RGS6: variants seen among roughly 807,000 people sequenced by gnomAD.
RGS6 encodes regulator of G protein signaling 6.
Under a neutral mutation model 78.5 loss-of-function variants are expected in RGS6, and 30 were observed. That is an observed-to-expected ratio of 0.38 (90% confidence interval 0.29 to 0.52). The LOEUF is 0.52. RGS6 is among the 20% of genes least tolerant of loss of function. The probability of loss-of-function intolerance (pLI) is 0.85; values close to 1 mark genes in which losing one functional copy is unlikely to be tolerated. For missense variants in RGS6, 495 were observed against 609.7 expected, an observed-to-expected ratio of 0.81 and a Z score of 1.98; for synonymous variants, 206 against 206.0, an observed-to-expected ratio of 1.00 and a Z score of 0.00.
chr14:72,026,054 C>G (rs11849254), intron 2 of RGS6, among the ~76,000 whole-genome samples: 1 of 151,978 alleles, frequency 6.6e-6, no homozygotes. Flanking sequence ...AAAAAGTTCC[C>G]TCAAACTTAG....
chr14:72,415,844 AC>A (rs2093771174), intron 3 of RGS6, among the ~76,000 whole-genome samples: 1 of 152,296 alleles, frequency 6.6e-6, no homozygotes, highest in East Asian at 1.9e-4. Flanking sequence ...TTGTATAAGA[AC>A]TAAAAGCATA....
Position 72,387,276 on chromosome 14 carries a change from G to A in RGS6, c.184+35082G>A, listed in dbSNP as rs998802371. ...AAAAAAAAGGGAGAGGGGGCTGGGCGCGGTGGCTGGCGCGCCTAATCCCAG... is the reference window on the plus strand; with the variant it reads ...AAAAAAAAGGGAGAGGGGGCTGGGCACGGTGGCTGGCGCGCCTAATCCCAG... On this transcript the variant is annotated intron_variant, in intron 3 of 17. Coordinates refer to ENST00000553525, the MANE Select transcript of RGS6 (RefSeq NM_001204424.2). 4.6e-5 allele frequency among the ~76,000 whole-genome samples: 7 copies of A among 152,134 alleles called. No homozygotes were observed. In the East Asian group the frequency reaches 5.8e-4, roughly 13 times the overall value.
At chr14:72,350,756 T>C (rs1361803738) in intron 2 of RGS6, among the ~76,000 whole-genome samples, 5 of 152,182 alleles carry the variant, frequency 3.3e-5, no homozygotes, top group Admixed American at 3.3e-4. Flanking sequence ...CATAACTTAA[T>C]CCACCCTACC....
chr14:72,605,463 C>T, the RGS6 span, among the ~76,000 whole-genome samples: 1 of 152,236 alleles, frequency 6.6e-6, no homozygotes, highest in African/African-American at 2.4e-5. Flanking sequence ...ATTAACAATG[C>T]TAATTACCTG....
At chr14:72,083,390 A>C (rs2094902568) in intron 2 of RGS6, among the ~76,000 whole-genome samples, 1 of 152,192 alleles carries the variant, frequency 6.6e-6, no homozygotes, top group South Asian at 2.1e-4. Context: ...TCTACAGTGC[A>C]TGGGATGCTT....
intron 17 of RGS6, chr14:72,547,360 G>A (rs1184256261): frequency 6.5e-7 from 1 of 1,534,674 alleles, no homozygotes. Flanking sequence ...GACTTCAAAG[G>A]CTAAGAAGTA....
intron 2 of RGS6, among the ~76,000 whole-genome samples, chr14:72,129,858 T>C (rs2096277823): frequency 6.6e-6 from 1 of 152,126 alleles, no homozygotes; most frequent in Non-Finnish European, 1.5e-5. Context: ...AAACCCCACC[T>C]CATGATGAGG....
chr14:72,035,726 G>A (rs1230367518), intron 2 of RGS6, among the ~76,000 whole-genome samples: 1 of 152,110 alleles, frequency 6.6e-6, no homozygotes, highest in African/African-American at 2.4e-5. Context: ...GGTCACAGTA[G>A]CATTTGTGCC....
At chr14:72,222,942 A>G (rs2047219651) in intron 2 of RGS6, among the ~76,000 whole-genome samples, 2 of 152,196 alleles carry the variant, frequency 1.3e-5, no homozygotes, top group South Asian at 4.1e-4. Context: ...TTATCTCATT[A>G]ATTTACTTTA....
At chr14:72,049,061 T>C (rs1233577977) in intron 2 of RGS6, among the ~76,000 whole-genome samples, 2 of 152,222 alleles carry the variant, frequency 1.3e-5, no homozygotes, top group Non-Finnish European at 2.9e-5. Context: ...GTCAGGATTT[T>C]ATCTTCTCAG....
intron 12 of RGS6, among the ~76,000 whole-genome samples, chr14:72,487,144 A>G (rs1233969868): frequency 2.0e-5 from 3 of 152,174 alleles, no homozygotes; most frequent in African/African-American, 7.2e-5. Context: ...TGATGATGGC[A>G]AATAGGACAA....
chr14:71,882,628 C>T, the RGS6 span, among the ~76,000 whole-genome samples: 4 of 152,090 alleles, frequency 2.6e-5, no homozygotes, highest in Non-Finnish European at 5.9e-5. Context: ...GTCTGAGTTG[C>T]GTTCATGACT....
chr14:72,577,458 A>G, the RGS6 span, among the ~76,000 whole-genome samples: 1 of 152,014 alleles, frequency 6.6e-6, no homozygotes, highest in Non-Finnish European at 1.5e-5. Flanking sequence ...CTTTTCTACC[A>G]CTATATTGGG....
chr14:71,956,397 A>T (rs895192791), intron 1 of RGS6, among the ~76,000 whole-genome samples: 14 of 151,244 alleles, frequency 9.3e-5, no homozygotes, highest in South Asian at 2.1e-4. Context: ...TATATATAAC[A>T]GTGTGTGTGT....
intron 2 of RGS6, among the ~76,000 whole-genome samples, chr14:72,117,857 C>T (rs1410797377): frequency 6.6e-6 from 1 of 152,150 alleles, no homozygotes; most frequent in African/African-American, 2.4e-5. Context: ...CACAAGGACC[C>T]ATGATACCCA....
the RGS6 span, among the ~76,000 whole-genome samples, chr14:71,877,957 G>T: frequency 6.6e-6 from 1 of 152,168 alleles, no homozygotes; most frequent in Non-Finnish European, 1.5e-5. Flanking sequence ...CACTCCAGAC[G>T]CTATTTGCCT....
At chr14:72,588,225 G>A in the RGS6 span, among the ~76,000 whole-genome samples, 1 of 152,260 alleles carries the variant, frequency 6.6e-6, no homozygotes, top group South Asian at 2.1e-4. Flanking sequence ...ACTTGTTTGT[G>A]AGCTCACCTG....
rs3053024 is a variant in RGS6 at position 71,949,780 on chromosome 14, A to ATTTTT, written c.-20-14981_-20-14977dup. 3.8e-3 allele frequency among the ~76,000 whole-genome samples: 492 copies of ATTTTT among 128,902 alleles called. 2 individuals carry two copies. The highest frequency in any genetic ancestry group is 8.3e-3 in the Middle Eastern group (2 of 242). 84.6% of individuals were successfully genotyped at this position (128,902 alleles called of 152,430 possible). ...CTCTGTTTTAATTTATAGAAGCTCT[A>ATTTTT]TTTTTTTTTTTTTTTGCCTTTTAGC... On this transcript the variant is annotated intron_variant, in intron 1 of 17. Coordinates refer to ENST00000553525, the MANE Select transcript of RGS6 (RefSeq NM_001204424.2).
the RGS6 span, among the ~76,000 whole-genome samples, chr14:71,912,561 A>AT: frequency 1.3e-5 from 2 of 152,144 alleles, no homozygotes; most frequent in African/African-American, 4.8e-5. Flanking sequence ...CTGAGTATAT[A>AT]TGATGGAGCT....
Sources: allele counts gnomAD v4.1 joint callset (sites outside exome capture counted in the v4.1 genomes callset), GRCh38; gene constraint gnomAD v4.1.1; transcripts MANE v1.5; gene names NCBI Gene and HGNC (gene_info 2026-07-23, HGNC 2026-07-21).